The following GRB10 variants were observed in gnomAD, a reference collection of about 807,000 sequenced individuals.
GRB10 encodes the protein growth factor receptor-bound protein 10.
In GRB10, 20 loss-of-function variants were observed where a neutral mutation model predicts 80.9. That is an observed-to-expected ratio of 0.25 (90% CI 0.17 to 0.36). The LOEUF is 0.36. GRB10 is among the 10% of genes least tolerant of loss of function. The pLI is 1.00. For synonymous variants in GRB10, 291 were observed against 291.5 expected (o/e 1.00, Z 0.02); for missense variants, 548 against 747.7 (o/e 0.73, Z 3.12).
chr7:50,607,245 A>G lies in GRB10; in HGVS notation c.1195-831T>C, dbSNP rs183852230. 8.9e-4 allele frequency among the ~76,000 whole-genome samples: 135 copies of G among 152,328 alleles called. 1 individual carries two copies. Among genetic ancestry groups the G allele is most frequent in the African/African-American group, 3.0e-3 (123 of 41,578 alleles). Reference sequence around the variant, plus strand: ...TTTATGCAGTTCTGAGGTAATCCGCATCTTTGTTTGTTTACATCTCTTGAC... The same window carrying G: ...TTTATGCAGTTCTGAGGTAATCCGCGTCTTTGTTTGTTTACATCTCTTGAC... On this transcript the variant is annotated intron_variant, in intron 13 of 18. Transcript: ENST00000401949.
chr7:50,788,587 T>C (rs2078790490), intron 1 of GRB10, among the ~76,000 whole-genome samples: 1 of 152,146 alleles, frequency 6.6e-6, no homozygotes, highest in African/African-American at 2.4e-5. Flanking sequence ...GACACAATGA[T>C]GAGGACCAAC....
chr7:50,659,207 A>G (rs1023161486), intron 7 of GRB10, among the ~76,000 whole-genome samples: 3 of 152,216 alleles, frequency 2.0e-5, no homozygotes, highest in Non-Finnish European at 2.9e-5. Context: ...GAAATGTAGA[A>G]TTGCCAAGAA....
chr7:50,618,645 G>A (rs1025063425), intron 9 of GRB10, among the ~76,000 whole-genome samples: 9 of 152,200 alleles, frequency 5.9e-5, no homozygotes, highest in East Asian at 1.9e-4. Context: ...GGATGACAGC[G>A]AGTGCCCCAG....
In GRB10 at chr7:50,612,747, G is replaced by A. The variant is rs1221278201; in HGVS notation, c.1188C>T (p.Leu396=). The A allele has an allele frequency of 4.3e-6, 7 of 1,611,136 alleles. No individual in the cohort carries two copies. The highest frequency in any genetic ancestry group is 1.7e-4 in the Middle Eastern group (1 of 5,740). The change falls in exon 13 of 19, where the codon CTC becomes CTT. Residue 396 remains leucine, a synonymous_variant. Coordinates refer to ENST00000401949, the MANE Select transcript of GRB10 (RefSeq NM_001350814.2). Reference sequence around the variant, plus strand: ...ACCGCAAGATGTCACATACCTTGAGGAGTCTGAACGCTGTCATCCAGCACG... The same window carrying A: ...ACCGCAAGATGTCACATACCTTGAGAAGTCTGAACGCTGTCATCCAGCACG... ...TRTCWMTAFR[L]LKYGMLLYQN...
chr7:50,656,675 C>G (rs1357534336), intron 7 of GRB10, among the ~76,000 whole-genome samples: 2 of 152,234 alleles, frequency 1.3e-5, no homozygotes, highest in Admixed American at 1.3e-4. Context: ...CTGGGGAAGG[C>G]AGGCTTCCAA....
At chr7:50,638,666 G>A (rs995529500) in intron 7 of GRB10, among the ~76,000 whole-genome samples, 2 of 152,116 alleles carry the variant, frequency 1.3e-5, no homozygotes, top group African/African-American at 4.8e-5. Context: ...AATACAACCT[G>A]TATGGAAAAC....
intron 7 of GRB10, among the ~76,000 whole-genome samples, chr7:50,637,725 A>G (rs1281009164): frequency 6.6e-6 from 1 of 152,174 alleles, no homozygotes; most frequent in Non-Finnish European, 1.5e-5. Flanking sequence ...GAACAAAAAA[A>G]AAAAAAGAGC....
At chr7:50,724,113 A>T (rs1197572688) in intron 4 of GRB10, among the ~76,000 whole-genome samples, 1 of 152,110 alleles carries the variant, frequency 6.6e-6, no homozygotes, top group Non-Finnish European at 1.5e-5. Flanking sequence ...AGGAAATCTC[A>T]CCATGCACAA....
Position 50,673,745 on chromosome 7 carries a change from G to A in GRB10, c.362+691C>T, listed in dbSNP as rs190584454. ...AAACCCAAACCCAGCCCCTTCACAC[G>A]CCTGTCCAGAACTCTTTCTCACGTG... On this transcript the variant is annotated intron_variant, in intron 6 of 18. Coordinates refer to ENST00000401949, the MANE Select transcript of GRB10 (RefSeq NM_001350814.2). Among the ~76,000 whole-genome samples, 40 of 152,102 alleles carry A rather than the reference G, an allele frequency of 2.6e-4. No individual in the cohort carries two copies. The South Asian group carries it at 3.5e-3, about 13-fold the overall frequency.
chr7:50,787,937 C>T (rs1052219326), intron 1 of GRB10, among the ~76,000 whole-genome samples: 1 of 152,104 alleles, frequency 6.6e-6, no homozygotes, highest in Non-Finnish European at 1.5e-5. Flanking sequence ...TCAGCCCATA[C>T]GGGACAATTA....
upstream of GRB10, among the ~76,000 whole-genome samples, chr7:50,785,704 G>A (rs1380302521): frequency 2.6e-5 from 4 of 152,256 alleles, no homozygotes; most frequent in Admixed American, 6.5e-5. Context: ...CCACCAGGCT[G>A]GCACACCCTC....
In GRB10 at chr7:50,774,031, G is replaced by T. The variant is rs553793415; in HGVS notation, c.-217+6596C>A. On this transcript the variant is annotated intron_variant, in intron 2 of 18. Transcript: ENST00000401949. ...AGGGAATATTATTCAGCCATAAAAA[G>T]GAATGAAGTACTAATGCATGCTACA... Among the ~76,000 whole-genome samples the T allele has an allele frequency of 2.6e-5, 4 of 152,270 alleles. No homozygotes were observed. In the South Asian group the frequency reaches 6.2e-4, roughly 24 times the overall value.
At chr7:50,763,682 A>G (rs1001476207) in intron 2 of GRB10, among the ~76,000 whole-genome samples, 1 of 152,190 alleles carries the variant, frequency 6.6e-6, no homozygotes, top group African/African-American at 2.4e-5. Context: ...CAGAAACAAG[A>G]GCTCTCCATT....
At chr7:50,759,766 C>T (rs931389896) in intron 2 of GRB10, among the ~76,000 whole-genome samples, 1 of 152,126 alleles carries the variant, frequency 6.6e-6, no homozygotes, top group African/African-American at 2.4e-5. Context: ...AGCAGCAACT[C>T]AGCTGCCAGG....
intron 7 of GRB10, among the ~76,000 whole-genome samples, chr7:50,656,435 T>C (rs182491478): frequency 1.3e-5 from 2 of 152,346 alleles, no homozygotes; most frequent in Non-Finnish European, 1.5e-5. Context: ...AGAGACCCGA[T>C]GTGGTGACTA....
chr7:50,751,784 G>C (rs368615893), intron 3 of GRB10, among the ~76,000 whole-genome samples: 1 of 152,192 alleles, frequency 6.6e-6, no homozygotes, highest in East Asian at 1.9e-4. Context: ...AAGGAATTTG[G>C]TGACCAAGAA....
intron 7 of GRB10, among the ~76,000 whole-genome samples, chr7:50,632,511 C>T (rs2237445): frequency 0.52 from 79,015 of 152,046 alleles, 20,689 homozygotes; most frequent in Admixed American, 0.54. Flanking sequence ...AAGAGTGTGG[C>T]GCAGGTTCAA....
chr7:50,598,517 A>G (rs544334610), intron 17 of GRB10, among the ~76,000 whole-genome samples: 2 of 152,322 alleles, frequency 1.3e-5, no homozygotes, highest in Admixed American at 1.3e-4. Flanking sequence ...TGATCAGAGT[A>G]CAATCTAGAC....
intron 7 of GRB10, among the ~76,000 whole-genome samples, chr7:50,650,131 G>C (rs1217850378): frequency 6.6e-6 from 1 of 152,186 alleles, no homozygotes; most frequent in Non-Finnish European, 1.5e-5. Flanking sequence ...AGGGATGAAG[G>C]AGCAGAGAGA....
Sources: allele counts gnomAD v4.1 joint callset (sites outside exome capture counted in the v4.1 genomes callset), GRCh38; gene constraint gnomAD v4.1.1; transcripts MANE v1.5; gene names NCBI Gene and HGNC (gene_info 2026-07-23, HGNC 2026-07-21).